The following PNMA6E variants were observed in gnomAD, a reference collection of about 807,000 sequenced individuals.
PNMA6E encodes the protein paraneoplastic antigen Ma6E.
For synonymous variants in PNMA6E, 43 were observed against 17.1 expected, an observed-to-expected ratio of 2.52 and a Z score of -3.74; for missense variants, 78 against 50.8, an observed-to-expected ratio of 1.53 and a Z score of -1.63.
upstream of PNMA6E, chrX:153,403,959 A>C (rs2088865392): frequency 9.9e-6 from 1 of 100,617 alleles, no homozygotes; most frequent in South Asian, 5.0e-4. Flanking sequence ...AAATAAATTA[A>C]TAAAGTATTA....
At chrX:153,408,829 G>C in the PNMA6E span, among the ~76,000 whole-genome samples, 1 of 112,567 alleles carries the variant, frequency 8.9e-6, no homozygotes. Context: ...TCCCTCCAAG[G>C]GCACTCCAGC....
chrX:153,398,256 G>T lies in PNMA6E; in HGVS notation c.594C>A (p.Gly198=), dbSNP rs373244024. The T allele has an allele frequency of 1.5e-5, 5 of 327,432 alleles. No homozygotes were observed. Among genetic ancestry groups the T allele is most frequent in the Middle Eastern group, 8.8e-4 (1 of 1,136 alleles). 27.0% of individuals were successfully genotyped at this position (327,432 alleles called of 1,213,427 possible). ...GEGGAAGEAG[G]AGEAGGVGEA... is the part of the protein sequence containing the mutation. The stretch of plus-strand genomic sequence containing the variant: ...CACCTACACCTCCTGCCTCACCTGC[G>T]CCTCCTGCCTCACCTGCTGCTCCTC... Residue 198 remains glycine, a synonymous_variant, in exon 2 of 2, where the codon GGC becomes GGA. Coordinates refer to ENST00000445091, the MANE Select transcript of PNMA6E (RefSeq NM_001367770.1).
At chrX:153,399,999 T>C (rs1556970995) in intron 1 of PNMA6E, among the ~76,000 whole-genome samples, 1 of 112,747 alleles carries the variant, frequency 8.9e-6, no homozygotes, top group African/African-American at 3.2e-5. Context: ...TATCTAGACA[T>C]ATGTTATTGT....
chrX:153,396,360 C>A lies in PNMA6E; in HGVS notation c.*546G>T. Reference sequence around the variant, plus strand: ...GCCCAGAGGTGGCCGCCTGCATGGGCGCACAGTACATGACTTTTCGCAGAA... The same window carrying A: ...GCCCAGAGGTGGCCGCCTGCATGGGAGCACAGTACATGACTTTTCGCAGAA... On this transcript the variant is annotated 3_prime_UTR_variant, in exon 2 of 2. Coordinates refer to ENST00000445091, the MANE Select transcript of PNMA6E (RefSeq NM_001367770.1). 1 of 118,946 alleles carries A rather than the reference C, an allele frequency of 8.4e-6. No homozygotes were observed. The allele number at this position is 118,946 out of a possible 1,213,427, so 9.8% of individuals were successfully genotyped here. A position where few individuals can be genotyped will look rare whatever the true frequency, so the allele number is the denominator to read the frequency against.
the PNMA6E span, among the ~76,000 whole-genome samples, chrX:153,408,194 G>C: frequency 8.9e-6 from 1 of 112,913 alleles, no homozygotes. Context: ...ATCAGCAGAG[G>C]GCCAGTGGTG....
chrX:153,411,389 G>A, the PNMA6E span, among the ~76,000 whole-genome samples: 2 of 111,522 alleles, frequency 1.8e-5, no homozygotes, highest in African/African-American at 6.5e-5. Flanking sequence ...GGCGCGGGGC[G>A]GGCCGCCATC....
the PNMA6E span, among the ~76,000 whole-genome samples, chrX:153,411,870 C>G: frequency 1.9e-5 from 1 of 52,109 alleles, no homozygotes; most frequent in Non-Finnish European, 3.5e-5. Context: ...CTCGGGGCCG[C>G]CCCGTACCAG....
At chrX:153,413,384 C>T in the PNMA6E span, among the ~76,000 whole-genome samples, 64 of 106,520 alleles carry the variant, frequency 6.0e-4, no homozygotes, top group African/African-American at 2.0e-3. Flanking sequence ...CCTTCCCAGC[C>T]CTCCCCGCGT....
upstream of PNMA6E, among the ~76,000 whole-genome samples, chrX:153,401,631 G>A (rs1028512944): frequency 8.0e-5 from 9 of 111,912 alleles, no homozygotes; most frequent in African/African-American, 2.6e-4. Flanking sequence ...GAGGATCGGC[G>A]GAGTACATTT....
upstream of PNMA6E, among the ~76,000 whole-genome samples, chrX:153,402,829 T>A (rs1479521001): frequency 8.9e-6 from 1 of 112,344 alleles, no homozygotes; most frequent in Non-Finnish European, 1.9e-5. Context: ...TTGAAAGGAT[T>A]GTTTCTTCTC....
chrX:153,397,208 C>T lies in PNMA6E; in HGVS notation c.1642G>A (p.Glu548Lys). The change falls in exon 2 of 2, where the codon GAG becomes AAG. Residue 548 changes from glutamate (E) to lysine (K), a missense_variant. Physicochemically the swap from Glu to Lys is moderately conservative, Grantham distance 56. Transcript: ENST00000445091. ...DAAEAASATKEAARGAPAAGE... is the reference protein window; with the variant it reads ...DAAEAASATKKAARGAPAAGE... ...GCGGCAGGGGCTCCCCTTGCAGCCT[C>T]TTTGGTGGCAGAAGCGGCCTCGGCA... The T allele has an allele frequency of 3.4e-6, 1 of 298,308 alleles. No homozygotes were observed. Among genetic ancestry groups the T allele is most frequent in the Non-Finnish European group, 5.9e-6 (1 of 170,502 alleles). The allele number at this position is 298,308 out of a possible 1,213,427, so 24.6% of individuals were successfully genotyped here.
the PNMA6E span, among the ~76,000 whole-genome samples, chrX:153,412,599 G>A: frequency 8.9e-6 from 1 of 112,164 alleles, no homozygotes; most frequent in African/African-American, 3.2e-5. Flanking sequence ...ACTTGAAGGT[G>A]GTAAAAGAGC....
chrX:153,413,881 G>A, the PNMA6E span, among the ~76,000 whole-genome samples: 1 of 112,397 alleles, frequency 8.9e-6, no homozygotes, highest in African/African-American at 3.2e-5. Context: ...TCTGGGTGAC[G>A]GCTTGGTGTG....
Position 153,397,488 on chromosome X carries a change from C to G in PNMA6E, c.1362G>C (p.Gln454His). 3.3e-6 allele frequency: 1 copy of G among 298,581 alleles called. No homozygotes were observed. The highest frequency in any genetic ancestry group is 5.9e-6 in the Non-Finnish European group (1 of 170,603). The allele number at this position is 298,581 out of a possible 1,213,427, so 24.6% of individuals were successfully genotyped here. ...CGCTGGGGCGGGCCCAAGACAGCAC[C>G]TGCTGTAGTCGCAGGTAATTGGCCA... ...PALANYLRLQQVLSWARPSEA... is the reference protein window; with the variant it reads ...PALANYLRLQHVLSWARPSEA... The change falls in exon 2 of 2, where the codon CAG becomes CAC. Residue 454 changes from glutamine (Q) to histidine (H), a missense_variant. Transcript: ENST00000445091.
upstream of PNMA6E, among the ~76,000 whole-genome samples, chrX:153,404,514 T>C (rs1988121): frequency 0.17 from 18,389 of 110,442 alleles, 1,478 homozygotes; most frequent in East Asian, 0.38. Flanking sequence ...GTGGTGGTGG[T>C]GGCGGTGGTG....
chrX:153,406,529 T>C, the PNMA6E span, among the ~76,000 whole-genome samples: 1 of 112,632 alleles, frequency 8.9e-6, no homozygotes, highest in Non-Finnish European at 1.9e-5. Flanking sequence ...AGTACTGGGC[T>C]GAAAGGTCGG....
the PNMA6E span, among the ~76,000 whole-genome samples, chrX:153,410,717 C>T: frequency 8.8e-6 from 1 of 113,105 alleles, no homozygotes; most frequent in South Asian, 3.6e-4. Flanking sequence ...GGTTCAAAGG[C>T]CAAGGAGGCT....
chrX:153,410,775 T>C, the PNMA6E span, among the ~76,000 whole-genome samples: 1 of 112,879 alleles, frequency 8.9e-6, no homozygotes, highest in East Asian at 2.8e-4. Flanking sequence ...ATATGTGATG[T>C]GGCTGATTTT....
the PNMA6E span, among the ~76,000 whole-genome samples, chrX:153,406,427 A>G: frequency 3.3e-4 from 37 of 112,652 alleles, no homozygotes; most frequent in African/African-American, 1.0e-3. Context: ...GGGAAAGCCC[A>G]GACATTTTCC....
Sources: allele counts gnomAD v4.1 joint callset (sites outside exome capture counted in the v4.1 genomes callset), GRCh38; gene constraint gnomAD v4.1.1; transcripts MANE v1.5; gene names NCBI Gene and HGNC (gene_info 2026-07-23, HGNC 2026-07-21).